IQANK1: variants seen among roughly 807,000 people sequenced by gnomAD.
IQANK1 encodes the protein IQ motif and ankyrin repeat containing 1.
Under a neutral mutation model 22.6 loss-of-function variants are expected in IQANK1, and 30 were observed. The ratio of observed to expected loss-of-function variants is 1.33; its 90% CI spans 0.99 to 1.80. The LOEUF (loss-of-function observed/expected upper bound fraction) is 1.80, where lower values mean the gene tolerates loss of function less well. Among genes scored for constraint, IQANK1 ranks in the 40% most tolerant of loss-of-function variants. The pLI, the probability that IQANK1 is intolerant of heterozygous loss-of-function variation, is 0.00. For synonymous variants in IQANK1, 122 were observed against 99.6 expected, an observed-to-expected ratio of 1.23 and a Z score of -1.34; for missense variants, 275 against 235.2, an observed-to-expected ratio of 1.17 and a Z score of -1.11.
intron 3 of IQANK1, among the ~76,000 whole-genome samples, chr8:143,749,738 T>G (rs1228690739): frequency 1.3e-5 from 2 of 150,014 alleles, no homozygotes; most frequent in East Asian, 3.9e-4. Flanking sequence ...AATTTTTGTG[T>G]TTTTTGTGGA....
chr8:143,752,542 T>C (rs931019470), intron 3 of IQANK1, among the ~76,000 whole-genome samples: 1 of 152,218 alleles, frequency 6.6e-6, no homozygotes, highest in South Asian at 2.1e-4. Flanking sequence ...CCATTATTTC[T>C]TCAAACATAG....
chr8:143,740,135 C>T (rs1285330357), intron 3 of IQANK1, among the ~76,000 whole-genome samples, 187 bp downstream of exon 3: 1 of 152,056 alleles, frequency 6.6e-6, no homozygotes, highest in African/African-American at 2.4e-5. Flanking sequence ...GCCCGCGACA[C>T]GCCCGAGCCC....
rs1587487148 is a variant in IQANK1 at position 143,771,793 on chromosome 8, C to A, written c.307-8C>A. ...GAGTGGGCGGTGACTTCGGCGGGCG[C>A]CTCCCAGGCCTACCTGGCTCCGGTG... On this transcript the variant is annotated splice_polypyrimidine_tract_variant and splice_region_variant and intron_variant, in intron 4 of 13. Coordinates refer to ENST00000527139, the MANE Select transcript of IQANK1 (RefSeq NM_001381874.1). The surrounding 1 kb of genome is among the most constrained non-coding windows in gnomAD (Gnocchi z 6.0). 1 of 396,824 alleles carries A rather than the reference C, an allele frequency of 2.5e-6. No individual in the cohort carries two copies. The highest frequency in any genetic ancestry group is 4.4e-6 in the Non-Finnish European group (1 of 225,034). 24.6% of individuals were successfully genotyped at this position (396,824 alleles called of 1,614,324 possible).
chr8:143,785,646 A>G (rs562790111), intron 7 of IQANK1, among the ~76,000 whole-genome samples: 11 of 151,332 alleles, frequency 7.3e-5, no homozygotes, highest in African/African-American at 1.5e-4. Flanking sequence ...TGCAGCCTTG[A>G]CCCCCTGGGT....
At chr8:143,761,717 C>T (rs1270893568) in intron 3 of IQANK1, among the ~76,000 whole-genome samples, 1 of 151,988 alleles carries the variant, frequency 6.6e-6, no homozygotes, top group Admixed American at 6.6e-5. Context: ...GATCTGAGAT[C>T]ACATCACTAT....
intron 3 of IQANK1, among the ~76,000 whole-genome samples, chr8:143,748,338 G>A (rs909474437): frequency 9.3e-5 from 14 of 150,508 alleles, no homozygotes; most frequent in African/African-American, 3.4e-4. Flanking sequence ...CTGCCTGGTG[G>A]TTCTATCCAT....
At chr8:143,759,166 G>T (rs1819345637) in intron 3 of IQANK1, 1 of 268,688 alleles carries the variant, frequency 3.7e-6, no homozygotes, top group Non-Finnish European at 7.2e-6. Context: ...TGGGCTGCAG[G>T]CAGCAAGAGA....
intron 7 of IQANK1, among the ~76,000 whole-genome samples, chr8:143,786,666 CAA>C (rs1334104467): frequency 6.6e-6 from 1 of 152,216 alleles, no homozygotes; most frequent in Non-Finnish European, 1.5e-5. Flanking sequence ...TTGAACAAAA[CAA>C]AGTCCCTTCT....
chr8:143,740,015 G>A (rs1193765005), intron 3 of IQANK1, 67 bp downstream of exon 3: 1 of 640,738 alleles, frequency 1.6e-6, no homozygotes, highest in African/African-American at 1.8e-5. Context: ...GGGTGCCCTG[G>A]CCCGGGACAC....
Position 143,790,523 on chromosome 8 carries a change from T to A in IQANK1, c.1598T>A (p.Phe533Tyr), listed in dbSNP as rs560229394. The A allele has an allele frequency of 1.0e-4, 42 of 402,340 alleles. No individual in the cohort carries two copies. The highest frequency in any genetic ancestry group is 7.6e-4 in the African/African-American group (37 of 48,796). 24.9% of individuals were successfully genotyped at this position (402,340 alleles called of 1,614,324 possible). Residue 533 changes from phenylalanine (F) to tyrosine (Y), a missense_variant, in exon 14 of 14, where the codon TTC becomes TAC. Phe to Tyr is a conservative substitution (Grantham distance 22, BLOSUM62 3). Transcript: ENST00000527139. ...EQRLEHFRLF[F>Y]VTKVQWPPAE... is the part of the protein sequence containing the mutation. Reference sequence around the variant, plus strand: ...CGGCTGGAGCACTTCCGCCTCTTTTTCGTCACCAAGGTCCAGTGGCCGCCA... The same window carrying A: ...CGGCTGGAGCACTTCCGCCTCTTTTACGTCACCAAGGTCCAGTGGCCGCCA...
At chr8:143,752,369 A>G (rs1819213001) in intron 3 of IQANK1, among the ~76,000 whole-genome samples, 1 of 152,172 alleles carries the variant, frequency 6.6e-6, no homozygotes, top group African/African-American at 2.4e-5. Flanking sequence ...GTATGTGACA[A>G]GTTTCTTCCC....
intron 3 of IQANK1, chr8:143,743,199 A>C (rs1587473059): frequency 1.1e-5 from 4 of 360,994 alleles, no homozygotes; most frequent in African/African-American, 4.3e-5. Flanking sequence ...TCCCTCTTCC[A>C]CTGTTTTTGG....
intron 3 of IQANK1, among the ~76,000 whole-genome samples, chr8:143,749,291 A>G (rs1271648170): frequency 1.7e-5 from 2 of 120,922 alleles, no homozygotes; most frequent in African/African-American, 6.8e-5. Context: ...ATATAAAAAT[A>G]TATAATATAT....
At chr8:143,750,485 C>T (rs1484265730) in intron 3 of IQANK1, among the ~76,000 whole-genome samples, 1 of 152,152 alleles carries the variant, frequency 6.6e-6, no homozygotes, top group African/African-American at 2.4e-5. Context: ...TTTATTCATC[C>T]TGCCAATCTC....
chr8:143,783,087 C>T lies in IQANK1; in HGVS notation c.790-5828C>T, dbSNP rs575021883. Among the ~76,000 whole-genome samples the T allele has an allele frequency of 5.3e-5, 8 of 152,248 alleles. No individual in the cohort carries two copies. In the South Asian group the frequency reaches 8.3e-4, roughly 16 times the overall value. ...TATTTACCATTTTACTGCTGATGAACGTTCAGTTTGTTTCCAGGCTTTGGT... is the reference window on the plus strand; with the variant it reads ...TATTTACCATTTTACTGCTGATGAATGTTCAGTTTGTTTCCAGGCTTTGGT... On this transcript the variant is annotated intron_variant, in intron 7 of 13. Coordinates refer to ENST00000527139, the MANE Select transcript of IQANK1 (RefSeq NM_001381874.1).
chr8:143,767,816 C>T lies in IQANK1; in HGVS notation c.176-3672C>T, dbSNP rs1051386634. Among the ~76,000 whole-genome samples the T allele has an allele frequency of 7.8e-5, 11 of 140,426 alleles. No individual in the cohort carries two copies. In the East Asian group the frequency reaches 2.4e-3, roughly 31 times the overall value. 92.1% of individuals were successfully genotyped at this position (140,426 alleles called of 152,430 possible). On this transcript the variant is annotated intron_variant, in intron 3 of 13. Coordinates refer to ENST00000527139, the MANE Select transcript of IQANK1 (RefSeq NM_001381874.1). The stretch of plus-strand genomic sequence containing the variant: ...AGGAGAATGGCGTGAACCCGGGAGG[C>T]GGAGCTTGCAGTGAGCCAAGATGGA...
intron 3 of IQANK1, among the ~76,000 whole-genome samples, chr8:143,763,351 G>A (rs1819429273): frequency 6.6e-6 from 1 of 152,182 alleles, no homozygotes; most frequent in Non-Finnish European, 1.5e-5. Context: ...TATGATAATG[G>A]TAGTTAACAT....
chr8:143,764,678 C>A (rs992136741), intron 3 of IQANK1, among the ~76,000 whole-genome samples: 10 of 152,120 alleles, frequency 6.6e-5, no homozygotes, highest in Non-Finnish European at 1.2e-4. Flanking sequence ...CCAAATATTT[C>A]TCTCTCCATT....
At chr8:143,765,400 A>T (rs939755963) in intron 3 of IQANK1, among the ~76,000 whole-genome samples, 1 of 152,100 alleles carries the variant, frequency 6.6e-6, no homozygotes, top group African/African-American at 2.4e-5. Context: ...TAATCCTCTC[A>T]TCCTCACCCA....
Sources: allele counts gnomAD v4.1 joint callset (sites outside exome capture counted in the v4.1 genomes callset), GRCh38; gene constraint gnomAD v4.1.1; non-coding constraint Gnocchi (gnomAD v3.1); transcripts MANE v1.5; gene names NCBI Gene and HGNC (gene_info 2026-07-23, HGNC 2026-07-21).